ATRN: variants seen among roughly 807,000 people sequenced by gnomAD.
ATRN encodes the protein attractin.
ATRN carries 54 observed loss-of-function variants against 178.7 expected under a neutral mutation model. The observed-to-expected ratio is 0.30, with a 90% CI of 0.24 to 0.38. The LOEUF (loss-of-function observed/expected upper bound fraction) is 0.38. Ranked by LOEUF, ATRN falls within the 10% of genes least tolerant of loss-of-function variation. The probability of loss-of-function intolerance (pLI) is 1.00; values close to 1 mark genes in which losing one functional copy is unlikely to be tolerated. For missense variants in ATRN, 1,443 were observed against 1,815.1 expected (o/e 0.79, Z 3.73); for synonymous variants, 636 against 663.0 (o/e 0.96, Z 0.63).
Position 3,560,676 on chromosome 20 carries a change from G to A in ATRN, c.1218G>A (p.Met406Ile). 3 of 1,610,254 alleles carry A rather than the reference G, an allele frequency of 1.9e-6. No individual in the cohort carries two copies. The highest frequency in any genetic ancestry group is 2.5e-6 in the Non-Finnish European group (3 of 1,176,834). Reference protein sequence around the residue: ...SLALYKDKIYMYGGKIDSTGN... With the variant: ...SLALYKDKIYIYGGKIDSTGN... ...TTTTTTCCTAGGATAAAATTTACAT[G>A]TATGGAGGAAAAATTGATTCAACTG... Residue 406 changes from methionine (M) to isoleucine (I), a missense_variant, in exon 8 of 29, where the codon ATG becomes ATA. Coordinates refer to ENST00000262919, the MANE Select transcript of ATRN (RefSeq NM_139321.3).
chr20:3,624,830 C>G (rs1444529637), intron 25 of ATRN, among the ~76,000 whole-genome samples: 1 of 152,128 alleles, frequency 6.6e-6, no homozygotes, highest in Non-Finnish European at 1.5e-5. Context: ...ATTAATTTTG[C>G]ATGCATCCTA....
chr20:3,609,509 C>G (rs1009455356), intron 24 of ATRN, among the ~76,000 whole-genome samples: 5 of 152,076 alleles, frequency 3.3e-5, no homozygotes, highest in Admixed American at 2.0e-4. Flanking sequence ...TTTGGATGCC[C>G]TTTATTTCTT....
chr20:3,562,156 A>T, intron 8 of ATRN, 120 bp from the exon 9 acceptor site: 3 of 813,962 alleles, frequency 3.7e-6, no homozygotes, highest in Non-Finnish European at 5.8e-6. Flanking sequence ...ATATAAAGAT[A>T]AAAAAGTATA....
chr20:3,490,215 C>T lies in ATRN; in HGVS notation c.410+18698C>T. 2.0e-6 allele frequency: 3 copies of T among 1,520,826 alleles called. No homozygotes were observed. In the South Asian group the frequency reaches 3.4e-5, roughly 17 times the overall value. 94.2% of individuals were successfully genotyped at this position (1,520,826 alleles called of 1,614,324 possible). On this transcript the variant is annotated intron_variant, in intron 1 of 28. Coordinates refer to ENST00000262919, the MANE Select transcript of ATRN (RefSeq NM_139321.3). ...GGTCCGCCACATTTCAAGCCTAAAG[C>T]TAAGAGAGCAGATTTCAATCTGTCC...
chr20:3,496,859 T>C (rs1230119907), intron 1 of ATRN, among the ~76,000 whole-genome samples: 1 of 149,848 alleles, frequency 6.7e-6, no homozygotes, highest in African/African-American at 2.5e-5. Context: ...ATTGGGTGCA[T>C]ATATATTTAG....
chr20:3,612,809 T>TA (rs1256509097), intron 24 of ATRN, among the ~76,000 whole-genome samples: 55 of 152,352 alleles, frequency 3.6e-4, no homozygotes, highest in Admixed American at 1.7e-3. Context: ...TTGTTGCTTA[T>TA]AGCTGACAAA....
chr20:3,559,597 T>C (rs2085924219), intron 7 of ATRN, 114 bp downstream of exon 7: 1 of 769,770 alleles, frequency 1.3e-6, no homozygotes, highest in Admixed American at 2.5e-5. Flanking sequence ...GAAAACTTTT[T>C]ATTGGGGGCA....
chr20:3,480,405 A>C lies in ATRN; in HGVS notation c.410+8888A>C, dbSNP rs1600000250. ...TTAGCGTTGCTGCTGTAAGGAATTC[A>C]CCTCAGGTCAGAACAACTCCCAGAA... On this transcript the variant is annotated intron_variant, in intron 1 of 28. Coordinates refer to ENST00000262919, the MANE Select transcript of ATRN (RefSeq NM_139321.3). Among the ~76,000 whole-genome samples, 3 of 152,200 alleles carry C rather than the reference A, an allele frequency of 2.0e-5. No individual in the cohort carries two copies. The East Asian group carries it at 5.8e-4, about 29-fold the overall frequency.
intron 24 of ATRN, among the ~76,000 whole-genome samples, chr20:3,609,688 G>A (rs1324510355): frequency 1.3e-5 from 2 of 149,564 alleles, no homozygotes; most frequent in African/African-American, 4.9e-5. Context: ...GTGGATGAAT[G>A]GATAAACAAA....
At chr20:3,640,726 A>ACT (rs1416178954) in intron 27 of ATRN, among the ~76,000 whole-genome samples, 1 of 152,240 alleles carries the variant, frequency 6.6e-6, no homozygotes, top group South Asian at 2.1e-4. Flanking sequence ...CCCAGAATTA[A>ACT]AAGTAGAATT....
At chr20:3,624,670 T>C (rs1267283952) in intron 25 of ATRN, 98 bp downstream of exon 25, 5 of 1,023,718 alleles carry the variant, frequency 4.9e-6, no homozygotes, top group Non-Finnish European at 7.4e-6. Context: ...AATAATCCTG[T>C]GTTTCCACCA....
chr20:3,498,122 A>C (rs1474999719), intron 1 of ATRN, among the ~76,000 whole-genome samples: 2 of 152,220 alleles, frequency 1.3e-5, no homozygotes, highest in Non-Finnish European at 2.9e-5. Flanking sequence ...CCCTCCCAAG[A>C]CTAAACCAGG....
chr20:3,542,801 ATT>A (rs35265454), intron 3 of ATRN, among the ~76,000 whole-genome samples: 31,890 of 129,926 alleles, frequency 0.25, 2,957 homozygotes, highest in African/African-American at 0.3. Flanking sequence ...TAATTTTTGT[ATT>A]TTTTTTTTTT....
chr20:3,639,191 T>G (rs2087048098), intron 27 of ATRN, among the ~76,000 whole-genome samples: 1 of 152,228 alleles, frequency 6.6e-6, no homozygotes, highest in Non-Finnish European at 1.5e-5. Context: ...TTCTTTTAAG[T>G]ATTCTGTGGC....
At chr20:3,572,067 T>A (rs1014609725) in intron 11 of ATRN, among the ~76,000 whole-genome samples, 1 of 152,216 alleles carries the variant, frequency 6.6e-6, no homozygotes, top group African/African-American at 2.4e-5. Flanking sequence ...AAGAACATCT[T>A]TTCCCACTAA....
chr20:3,575,251 C>T (rs147369749), intron 12 of ATRN, among the ~76,000 whole-genome samples: 16 of 152,314 alleles, frequency 1.1e-4, no homozygotes, highest in South Asian at 4.1e-4. Flanking sequence ...CATGAGCCAC[C>T]GCATCCGGCC....
chr20:3,478,477 G>A (rs769900857), intron 1 of ATRN, among the ~76,000 whole-genome samples: 111 of 152,160 alleles, frequency 7.3e-4, no homozygotes, highest in Non-Finnish European at 1.4e-3. Flanking sequence ...ACCAAACACC[G>A]CATGTTCTCA....
chr20:3,617,284 G>A (rs901670045), intron 24 of ATRN, among the ~76,000 whole-genome samples: 8 of 152,130 alleles, frequency 5.3e-5, no homozygotes, highest in African/African-American at 1.9e-4. Flanking sequence ...GAGGGCTGAG[G>A]ACATAAACAT....
intron 13 of ATRN, among the ~76,000 whole-genome samples, 180 bp downstream of exon 13, chr20:3,576,128 A>G (rs1254079497): frequency 2.6e-5 from 4 of 152,206 alleles, no homozygotes; most frequent in South Asian, 2.1e-4. Context: ...CAAGGGTCCT[A>G]CTAGCCCTGG....
Sources: gnomAD v4.1 joint callset for allele counts (sites outside exome capture counted in the v4.1 genomes callset) on GRCh38, gnomAD v4.1.1 for gene constraint, MANE v1.5 for transcripts, NCBI Gene and HGNC (gene_info 2026-07-23, HGNC 2026-07-21) for gene names.